The following GABRG3 variants were observed in gnomAD, a reference collection of about 807,000 sequenced individuals.
GABRG3 encodes gamma-aminobutyric acid receptor subunit gamma-3.
GABRG3 carries 25 observed loss-of-function variants against 48.8 expected under a neutral mutation model. The ratio of observed to expected loss-of-function variants is 0.51; its 90% CI spans 0.37 to 0.72. The LOEUF (loss-of-function observed/expected upper bound fraction) is 0.72, where lower values mean the gene tolerates loss of function less well. Ranked by LOEUF, GABRG3 falls within the 30% of genes least tolerant of loss-of-function variation. The pLI is 0.00. For missense variants in GABRG3, 394 were observed against 577.9 expected (o/e 0.68, Z 3.26); for synonymous variants, 227 against 217.6 (o/e 1.04, Z -0.38).
At chr15:27,041,040 T>C (rs1197718931) in intron 3 of GABRG3, among the ~76,000 whole-genome samples, 1 of 79,450 alleles carries the variant, frequency 1.3e-5, no homozygotes, top group Non-Finnish European at 2.4e-5. Flanking sequence ...CCATATTTAC[T>C]GAAATTTTTT....
chr15:27,277,113 GGAGA>G (rs1432361579), intron 3 of GABRG3, among the ~76,000 whole-genome samples: 12 of 152,380 alleles, frequency 7.9e-5, no homozygotes, highest in South Asian at 2.1e-4. Flanking sequence ...CAGGGAAGGA[GGAGA>G]GAATCTGCTG....
At position 26,974,787 on chromosome 15, in the gene GABRG3, G is replaced by C. The variant is rs1894906472; in HGVS notation, c.54-2215G>C. Among the ~76,000 whole-genome samples, 1 of 151,702 alleles carries C rather than the reference G, an allele frequency of 6.6e-6. No individual in the cohort carries two copies. The highest frequency in any genetic ancestry group is 1.5e-5 in the Non-Finnish European group (1 of 67,976). On this transcript the variant is annotated intron_variant, in intron 1 of 9. Transcript: ENST00000615808. The surrounding 1 kb of genome is among the most constrained non-coding windows in gnomAD (Gnocchi z 4.3). The stretch of plus-strand genomic sequence containing the variant: ...TTTAAGTTTTAAAAAATTTTTGCAA[G>C]ATGATAAAATTAACATTTCTGATAA...
In GABRG3 at chr15:27,351,647, CTGTG is replaced by C. The variant is rs539891426; in HGVS notation, c.574+22767_574+22770del. 1.1e-3 allele frequency among the ~76,000 whole-genome samples: 124 copies of C among 113,690 alleles called. 2 individuals carry two copies. The Middle Eastern group carries it at 0.032, about 30-fold the overall frequency. The allele number at this position is 113,690 out of a possible 152,430, so 74.6% of individuals were successfully genotyped here. ...TATGGTATGTGTTTGTGTGTATGGT[CTGTG>C]TGTGTGTATGGGGTATTTGTGTGTG... is the stretch of plus-strand genomic sequence containing the variant. On this transcript the variant is annotated intron_variant, in intron 5 of 9. Coordinates refer to ENST00000615808, the MANE Select transcript of GABRG3 (RefSeq NM_033223.5).
At chr15:27,066,212 A>G (rs753864273) in intron 3 of GABRG3, among the ~76,000 whole-genome samples, 3 of 152,244 alleles carry the variant, frequency 2.0e-5, no homozygotes, top group Non-Finnish European at 4.4e-5. Flanking sequence ...ACTTACTATG[A>G]TATAGTTACG....
At chr15:27,146,541 T>A (rs1898213121) in intron 3 of GABRG3, among the ~76,000 whole-genome samples, 1 of 152,170 alleles carries the variant, frequency 6.6e-6, no homozygotes, top group Non-Finnish European at 1.5e-5. Flanking sequence ...TTATTTGTTT[T>A]ATTTTTTCTC....
intron 5 of GABRG3, among the ~76,000 whole-genome samples, chr15:27,329,547 G>A (rs1893735918): frequency 1.3e-5 from 2 of 152,194 alleles, no homozygotes; most frequent in Non-Finnish European, 2.9e-5. Flanking sequence ...TTACAGATGT[G>A]AGCCACTGTG....
chr15:27,254,742 A>C (rs975783323), intron 3 of GABRG3, among the ~76,000 whole-genome samples: 21 of 152,046 alleles, frequency 1.4e-4, no homozygotes, highest in Non-Finnish European at 1.5e-5. Context: ...ACTTTGGGAG[A>C]TAGATTTCAA....
chr15:27,007,754 T>C (rs1182908697), intron 2 of GABRG3, among the ~76,000 whole-genome samples: 1 of 152,116 alleles, frequency 6.6e-6, no homozygotes, highest in South Asian at 2.1e-4. Context: ...ATTGATGGGG[T>C]TTTTTGTTTT....
intron 5 of GABRG3, among the ~76,000 whole-genome samples, chr15:27,374,180 G>C (rs1318340369): frequency 7.6e-6 from 1 of 131,728 alleles, no homozygotes; most frequent in African/African-American, 3.0e-5. Context: ...CACCCAGACT[G>C]GTGTGCAGTG....
chr15:27,198,465 A>G (rs138230653), intron 3 of GABRG3, among the ~76,000 whole-genome samples: 2 of 152,364 alleles, frequency 1.3e-5, no homozygotes, highest in Non-Finnish European at 2.9e-5. Flanking sequence ...CAAGCCAGTT[A>G]GAATGGTGAT....
At chr15:27,266,124 C>T (rs1384997369) in intron 3 of GABRG3, among the ~76,000 whole-genome samples, 1 of 152,118 alleles carries the variant, frequency 6.6e-6, no homozygotes, top group Non-Finnish European at 1.5e-5. Flanking sequence ...AGGTGATCTG[C>T]CCGCCTCAGC....
At chr15:27,110,265 C>T (rs1175141795) in intron 3 of GABRG3, among the ~76,000 whole-genome samples, 2 of 152,130 alleles carry the variant, frequency 1.3e-5, no homozygotes, top group African/African-American at 4.8e-5. Flanking sequence ...CACTATTCTG[C>T]ACCATGTATA....
At chr15:27,252,996 G>T (rs1414211991) in intron 3 of GABRG3, among the ~76,000 whole-genome samples, 1 of 152,200 alleles carries the variant, frequency 6.6e-6, no homozygotes, top group African/African-American at 2.4e-5. Context: ...CACCAGCCCA[G>T]GTCTCAGATG....
chr15:27,481,066 C>T, intron 6 of GABRG3: 1 of 1,204,314 alleles, frequency 8.3e-7, no homozygotes, highest in East Asian at 3.4e-5. Context: ...ACCATATTTA[C>T]ATAAACCAAT....
chr15:27,197,651 A>T (rs1295166590), intron 3 of GABRG3, among the ~76,000 whole-genome samples: 1 of 152,028 alleles, frequency 6.6e-6, no homozygotes, highest in Non-Finnish European at 1.5e-5. Context: ...AATTAAGGAT[A>T]AATATTGCTT....
intron 3 of GABRG3, among the ~76,000 whole-genome samples, chr15:27,295,584 T>C (rs1017342739): frequency 1.3e-5 from 2 of 152,134 alleles, no homozygotes; most frequent in African/African-American, 4.8e-5. Flanking sequence ...AGCCAGGCAG[T>C]TAGGGCCATG....
At chr15:27,054,751 G>A (rs536599455) in intron 3 of GABRG3, among the ~76,000 whole-genome samples, 1 of 152,320 alleles carries the variant, frequency 6.6e-6, no homozygotes, top group South Asian at 2.1e-4. Flanking sequence ...AGATCCGGGG[G>A]CTTCAGGTTG....
intron 3 of GABRG3, among the ~76,000 whole-genome samples, chr15:27,293,518 C>CAA (rs5811487): frequency 1.3e-5 from 2 of 151,314 alleles, no homozygotes; most frequent in Non-Finnish European, 2.9e-5. Flanking sequence ...ACTAAAAATA[C>CAA]AAAAAAAATT....
intron 5 of GABRG3, among the ~76,000 whole-genome samples, chr15:27,420,261 T>C (rs1384371716): frequency 6.6e-6 from 1 of 152,124 alleles, no homozygotes; most frequent in East Asian, 1.9e-4. Context: ...TAAATCTCAC[T>C]AAGAAAAATG....
Sources: allele counts gnomAD v4.1 joint callset (sites outside exome capture counted in the v4.1 genomes callset), GRCh38; gene constraint gnomAD v4.1.1; non-coding constraint Gnocchi (gnomAD v3.1); transcripts MANE v1.5; gene names NCBI Gene and HGNC (gene_info 2026-07-23, HGNC 2026-07-21).